The following LRP1B variants were observed in gnomAD, a reference collection of about 807,000 sequenced individuals.
LRP1B encodes the protein LDL receptor related protein 1B, also known as low-density lipoprotein receptor-related protein 1B.
A neutral mutation model predicts 556.6 loss-of-function variants in LRP1B; 217 were observed. The ratio of observed to expected loss-of-function variants is 0.39; its 90% CI spans 0.35 to 0.44. The LOEUF (loss-of-function observed/expected upper bound fraction) is 0.44. Among genes scored for constraint, LRP1B ranks in the 20% least tolerant of loss-of-function variants. The pLI is 1.00. For synonymous variants in LRP1B, 2,047 were observed against 1,865.8 expected (o/e 1.10, Z -2.50); for missense variants, 5,053 against 5,620.8 (o/e 0.90, Z 3.23).
intron 7 of LRP1B, among the ~76,000 whole-genome samples, chr2:141,161,134 T>C (rs1680015067): frequency 6.6e-6 from 1 of 152,054 alleles, no homozygotes; most frequent in African/African-American, 2.4e-5. Flanking sequence ...TCATCTAAAA[T>C]AGAAGAAAAT....
At position 141,561,868 on chromosome 2, in the gene LRP1B, C is replaced by T. The variant is rs765438217; in HGVS notation, c.206-81335G>A. On this transcript the variant is annotated intron_variant, in intron 2 of 90. Coordinates refer to ENST00000389484, the MANE Select transcript of LRP1B (RefSeq NM_018557.3). ...CTATATACTGTAAGTCTTAACATTACCACGATAGCTTATTTTTAAAAAATA... is the reference window on the plus strand; with the variant it reads ...CTATATACTGTAAGTCTTAACATTATCACGATAGCTTATTTTTAAAAAATA... 7.3e-5 allele frequency among the ~76,000 whole-genome samples: 11 copies of T among 151,520 alleles called. No individual in the cohort carries two copies. In the East Asian group the frequency reaches 1.9e-3, roughly 27 times the overall value.
At chr2:141,173,082 T>C (rs1005096689) in intron 7 of LRP1B, among the ~76,000 whole-genome samples, 2 of 151,832 alleles carry the variant, frequency 1.3e-5, no homozygotes, top group South Asian at 2.1e-4. Flanking sequence ...ACACACTTTA[T>C]ATCCATAGCT....
At chr2:140,234,936 T>C (rs1238184100) in intron 89 of LRP1B, 52 bp from the exon 90 acceptor site, 1 of 738,422 alleles carries the variant, frequency 1.4e-6, no homozygotes, top group East Asian at 2.5e-5. Flanking sequence ...TAGAATCACT[T>C]TTCATCGATA....
At chr2:141,489,065 T>A (rs1022121512) in intron 2 of LRP1B, among the ~76,000 whole-genome samples, 7 of 149,576 alleles carry the variant, frequency 4.7e-5, no homozygotes, top group African/African-American at 1.7e-4. Context: ...AGCCTTCACC[T>A]TCTGGGCTGA....
intron 3 of LRP1B, among the ~76,000 whole-genome samples, chr2:141,434,075 C>T (rs1043483150): frequency 6.6e-6 from 1 of 151,664 alleles, no homozygotes; most frequent in African/African-American, 2.4e-5. Context: ...GTGTGGTTCT[C>T]TTTGCATTTT....
chr2:141,398,180 A>G (rs1354759392), intron 3 of LRP1B, among the ~76,000 whole-genome samples: 1 of 152,220 alleles, frequency 6.6e-6, no homozygotes, highest in Non-Finnish European at 1.5e-5. Flanking sequence ...TAAGAGTGAC[A>G]AATGACTTCT....
At chr2:141,502,656 C>T (rs145531806) in intron 2 of LRP1B, among the ~76,000 whole-genome samples, 17,718 of 151,752 alleles carry the variant, frequency 0.12, 1,494 homozygotes, top group Non-Finnish European at 0.17. Flanking sequence ...GTGAAGAGAT[C>T]GAGACCATCC....
At chr2:141,966,241 A>G (rs1701563339) in intron 1 of LRP1B, among the ~76,000 whole-genome samples, 1 of 151,964 alleles carries the variant, frequency 6.6e-6, no homozygotes, top group Non-Finnish European at 1.5e-5. Flanking sequence ...GAGGGAAACT[A>G]GAGAGTCGTT....
chr2:141,165,787 T>C (rs1210605348), intron 7 of LRP1B, among the ~76,000 whole-genome samples: 1 of 152,044 alleles, frequency 6.6e-6, no homozygotes, highest in African/African-American at 2.4e-5. Context: ...AAATATACAA[T>C]TATTTTAGTT....
rs530877822 is a variant in LRP1B at position 141,083,632 on chromosome 2, G to GT, written c.1014-21360dup. 1.9e-3 allele frequency among the ~76,000 whole-genome samples: 286 copies of GT among 152,270 alleles called. 1 individual carries two copies. The highest frequency in any genetic ancestry group is 3.4e-3 in the Non-Finnish European group (232 of 68,032). On this transcript the variant is annotated intron_variant, in intron 7 of 90. Transcript: ENST00000389484. ...ATTGGGTCATAAGAGCTCTGCTTTCGTAAGTGGATTAATCCATTTATGGAT... is the reference window on the plus strand; with the variant it reads ...ATTGGGTCATAAGAGCTCTGCTTTCGTTAAGTGGATTAATCCATTTATGGAT...
intron 2 of LRP1B, among the ~76,000 whole-genome samples, chr2:141,608,037 C>T (rs958879328): frequency 3.9e-5 from 6 of 151,938 alleles, no homozygotes; most frequent in Non-Finnish European, 7.4e-5. Context: ...CCAGACTGAC[C>T]AACATGGAGG....
chr2:141,324,454 G>A (rs1287567737), intron 3 of LRP1B, among the ~76,000 whole-genome samples: 12 of 151,942 alleles, frequency 7.9e-5, no homozygotes, highest in South Asian at 2.1e-4. Flanking sequence ...ATAATTAACC[G>A]TTTGTCTCCT....
intron 35 of LRP1B, among the ~76,000 whole-genome samples, chr2:140,748,972 C>T (rs1318057558): frequency 6.6e-6 from 1 of 150,788 alleles, no homozygotes. Flanking sequence ...ATGGTATAAA[C>T]TACTACACGC....
At chr2:141,399,347 C>G (rs906310962) in intron 3 of LRP1B, among the ~76,000 whole-genome samples, 4 of 152,098 alleles carry the variant, frequency 2.6e-5, no homozygotes, top group African/African-American at 7.2e-5. Flanking sequence ...TGTATGTTAA[C>G]TAACTGCACA....
intron 2 of LRP1B, among the ~76,000 whole-genome samples, chr2:141,527,434 C>T (rs1385524837): frequency 1.3e-5 from 2 of 151,812 alleles, no homozygotes; most frequent in Non-Finnish European, 2.9e-5. Flanking sequence ...ATCACCAATT[C>T]TAGTCACAAC....
At chr2:141,553,752 T>A (rs1685843934) in intron 2 of LRP1B, among the ~76,000 whole-genome samples, 1 of 138,140 alleles carries the variant, frequency 7.2e-6, no homozygotes. Flanking sequence ...ATAAAATATA[T>A]AATATATTAT....
chr2:141,870,429 C>T (rs747510444), intron 1 of LRP1B, among the ~76,000 whole-genome samples: 1 of 151,890 alleles, frequency 6.6e-6, no homozygotes, highest in Non-Finnish European at 1.5e-5. Flanking sequence ...GTCATCATTA[C>T]TAGGAAGGAG....
chr2:140,322,127 A>G, intron 81 of LRP1B, 39 bp from the exon 82 acceptor site: 2 of 1,576,008 alleles, frequency 1.3e-6, no homozygotes, highest in Non-Finnish European at 1.7e-6. Flanking sequence ...GTGTAAATAT[A>G]GATACAATAG....
At chr2:140,281,304 A>G (rs562935863) in intron 84 of LRP1B, among the ~76,000 whole-genome samples, 2 of 152,066 alleles carry the variant, frequency 1.3e-5, no homozygotes, top group East Asian at 3.9e-4. Flanking sequence ...TATTTCCCTA[A>G]TATTTTTCTA....
Sources: allele counts gnomAD v4.1 joint callset (sites outside exome capture counted in the v4.1 genomes callset), GRCh38; gene constraint gnomAD v4.1.1; transcripts MANE v1.5; gene names NCBI Gene and HGNC (gene_info 2026-07-23, HGNC 2026-07-21).